TBRG1: variants seen among roughly 807,000 people sequenced by gnomAD.
TBRG1 encodes the protein nuclear interactor of ARF and MDM2.
Under a neutral mutation model 44.0 loss-of-function variants are expected in TBRG1, and 31 were observed. The ratio of observed to expected loss-of-function variants is 0.70; its 90% CI spans 0.53 to 0.95. TBRG1 has a LOEUF of 0.95. TBRG1 is among the 40% of genes least tolerant of loss of function. The pLI is 0.00. For synonymous variants in TBRG1, 171 were observed against 188.1 expected (o/e 0.91, Z 0.74); for missense variants, 487 against 496.1 (o/e 0.98, Z 0.18).
intron 3 of TBRG1, among the ~76,000 whole-genome samples, chr11:124,626,111 G>A (rs531772358): frequency 6.6e-6 from 1 of 152,208 alleles, no homozygotes; most frequent in Non-Finnish European, 1.5e-5. Flanking sequence ...TTCGTTAAAT[G>A]CAAGGGGAGC....
chr11:124,628,118 C>CAT, intron 5 of TBRG1, among the ~76,000 whole-genome samples: 1 of 45,448 alleles, frequency 2.2e-5, no homozygotes, highest in East Asian at 7.3e-4. Flanking sequence ...TATATATATA[C>CAT]ACACACACAC....
At chr11:124,628,694 A>T (rs1224849920) in intron 5 of TBRG1, among the ~76,000 whole-genome samples, 1 of 152,144 alleles carries the variant, frequency 6.6e-6, no homozygotes, top group Non-Finnish European at 1.5e-5. Flanking sequence ...GGGGTGGAGG[A>T]AAACAAGTAC....
In TBRG1 at chr11:124,635,297, C is replaced by T. The variant is rs915385462; in HGVS notation, c.*3059C>T. The T allele has an allele frequency of 6.6e-6, 1 of 152,146 alleles. No homozygotes were observed. The highest frequency in any genetic ancestry group is 1.5e-5 in the Non-Finnish European group (1 of 68,046). 9.4% of individuals were successfully genotyped at this position (152,146 alleles called of 1,614,324 possible). A position where few individuals can be genotyped will look rare whatever the true frequency, so the allele number is the denominator to read the frequency against. ...GCATGGGCAATAGGGGTTAACTGAA[C>T]GAGTTGAATGCTAGGAAGTCCTCAG... On this transcript the variant is annotated 3_prime_UTR_variant, in exon 9 of 9. Transcript: ENST00000441174.
At chr11:124,628,130 C>T (rs1021776679) in intron 5 of TBRG1, among the ~76,000 whole-genome samples, 61 of 139,104 alleles carry the variant, frequency 4.4e-4, no homozygotes, top group African/African-American at 1.1e-3. Context: ...CACACACACA[C>T]ACACACACAC....
intron 6 of TBRG1, 59 bp downstream of exon 6, chr11:124,630,544 TTTTCTCTTG>T: frequency 7.6e-7 from 1 of 1,317,014 alleles, no homozygotes; most frequent in Non-Finnish European, 1.1e-6. Context: ...CAGTGAAACC[TTTTCTCTTG>T]CTTTTAATGG....
At chr11:124,625,984 A>G (rs947695392) in intron 3 of TBRG1, 81 bp downstream of exon 3, 2 of 1,454,930 alleles carry the variant, frequency 1.4e-6, no homozygotes, top group East Asian at 4.9e-5. Flanking sequence ...TGACAGACAC[A>G]CACAGCTGCA....
chr11:124,626,635 G>A, intron 4 of TBRG1, 26 bp downstream of exon 4: 2 of 1,551,280 alleles, frequency 1.3e-6, no homozygotes, highest in Non-Finnish European at 1.7e-6. Flanking sequence ...GATATATAGA[G>A]AGGAGAATCA....
rs1373566633 is a variant in TBRG1, at chr11:124,623,929, A to C, written c.150+696A>C. 2.0e-5 allele frequency among the ~76,000 whole-genome samples: 3 copies of C among 152,334 alleles called. No individual in the cohort carries two copies. The South Asian group carries it at 6.2e-4, about 32-fold the overall frequency. ...GCTTGGAAATAGGGGTGGAGTCCTC[A>C]AATGTCCCCCCACATCCAAGTCAAC... On this transcript the variant is annotated intron_variant, in intron 1 of 8. Transcript: ENST00000441174.
At position 124,631,337 on chromosome 11, in the gene TBRG1, C is replaced by A; in HGVS notation, c.1010C>A (p.Pro337Gln). Residue 337 changes from proline to glutamine, a missense_variant, in exon 8 of 9, where the codon CCG becomes CAG. By Grantham distance (76) the Pro-to-Gln change is moderately conservative. Transcript: ENST00000441174. ...PGDGQLPEGL[P>Q]ENDAAMSFEA... ...GATGGGCAGCTACCTGAGGGGCTGCCGGAGAATGATGCAGCTATGAGCTTT... is the reference window on the plus strand; with the variant it reads ...GATGGGCAGCTACCTGAGGGGCTGCAGGAGAATGATGCAGCTATGAGCTTT... 1 of 1,613,024 alleles carries A rather than the reference C, an allele frequency of 6.2e-7. No homozygotes were observed. The highest frequency in any genetic ancestry group is 8.5e-7 in the Non-Finnish European group (1 of 1,179,386).
chr11:124,625,684 A>C lies in TBRG1; in HGVS notation c.235A>C (p.Lys79Gln). The C allele has an allele frequency of 6.4e-7, 1 of 1,551,258 alleles. No individual in the cohort carries two copies. The highest frequency in any genetic ancestry group is 8.7e-7 in the Non-Finnish European group (1 of 1,146,960). Residue 79 changes from lysine to glutamine, a missense_variant, in exon 3 of 9, where the codon AAG (lysine) becomes CAG (glutamine). Coordinates refer to ENST00000441174, the MANE Select transcript of TBRG1 (RefSeq NM_032811.3). ...AKEERRYLLK[K>Q]LLQLQALTEG... is the part of the protein sequence containing the mutation. ...TCCTGATCTCAGGTACTTGCTAAAGAAGCTCCTCCAGCTTCAGGCTCTAAC... is the reference window on the plus strand; with the variant it reads ...TCCTGATCTCAGGTACTTGCTAAAGCAGCTCCTCCAGCTTCAGGCTCTAAC...
At chr11:124,629,086 T>C (rs976279477) in intron 5 of TBRG1, among the ~76,000 whole-genome samples, 4 of 152,216 alleles carry the variant, frequency 2.6e-5, no homozygotes, top group Non-Finnish European at 5.9e-5. Flanking sequence ...TTTACTCAAA[T>C]AGGGTAAAAA....
In TBRG1 at chr11:124,635,640, C is replaced by A. The variant is rs891958909; in HGVS notation, c.*3402C>A. 3 of 152,118 alleles carry A rather than the reference C, an allele frequency of 2.0e-5. No homozygotes were observed. The highest frequency in any genetic ancestry group is 2.1e-4 in the South Asian group (1 of 4,824). 9.4% of individuals were successfully genotyped at this position (152,118 alleles called of 1,614,324 possible). A position where few individuals can be genotyped will look rare whatever the true frequency, so the allele number is the denominator to read the frequency against. ...TATCTAAACCATATTTTTTACACTA[C>A]GTAAAATACATTGTATATGTACAGT... is the stretch of plus-strand genomic sequence containing the variant. On this transcript the variant is annotated 3_prime_UTR_variant, in exon 9 of 9. Coordinates refer to ENST00000441174, the MANE Select transcript of TBRG1 (RefSeq NM_032811.3).
At position 124,633,965 on chromosome 11, in the gene TBRG1, A is replaced by G. The variant is rs1273654945; in HGVS notation, c.*1727A>G. The G allele has an allele frequency of 3.9e-5, 6 of 152,264 alleles. No individual in the cohort carries two copies. Among genetic ancestry groups the G allele is most frequent in the African/African-American group, 9.6e-5 (4 of 41,466 alleles). 9.4% of individuals were successfully genotyped at this position (152,264 alleles called of 1,614,324 possible). A position where few individuals can be genotyped will look rare whatever the true frequency, so the allele number is the denominator to read the frequency against. On this transcript the variant is annotated 3_prime_UTR_variant, in exon 9 of 9. Transcript: ENST00000441174. ...CTGGTTTTTCAGCTATAATGCATAT[A>G]CAACTATAGTGTGTACGTATACCAC...
In TBRG1 at chr11:124,622,989, T is replaced by C; in HGVS notation, c.-95T>C. On this transcript the variant is annotated 5_prime_UTR_variant, in exon 1 of 9. Coordinates refer to ENST00000441174, the MANE Select transcript of TBRG1 (RefSeq NM_032811.3). ...TAGATTCCTAGAGGCCCGATTCCGCTAGCCCGGAACAGACAAAGCCAGCGC... is the reference window on the plus strand; with the variant it reads ...TAGATTCCTAGAGGCCCGATTCCGCCAGCCCGGAACAGACAAAGCCAGCGC... The C allele has an allele frequency of 7.4e-7, 1 of 1,344,528 alleles. No individual in the cohort carries two copies. Among genetic ancestry groups the C allele is most frequent in the Non-Finnish European group, 9.9e-7 (1 of 1,012,044 alleles). The allele number at this position is 1,344,528 out of a possible 1,614,324, so 83.3% of individuals were successfully genotyped here.
chr11:124,625,934 A>G, intron 3 of TBRG1, 31 bp downstream of exon 3: 1 of 1,524,502 alleles, frequency 6.6e-7, no homozygotes, highest in Non-Finnish European at 8.8e-7. Context: ...CAGTTGCCCC[A>G]GTGACTCACC....
At position 124,629,125 on chromosome 11, in the gene TBRG1, G is replaced by A. The variant is rs555939077; in HGVS notation, c.739-1263G>A. Among the ~76,000 whole-genome samples the A allele has an allele frequency of 3.9e-5, 6 of 152,272 alleles. No homozygotes were observed. The South Asian group carries it at 1.0e-3, about 26-fold the overall frequency. On this transcript the variant is annotated intron_variant, in intron 5 of 8. Coordinates refer to ENST00000441174, the MANE Select transcript of TBRG1 (RefSeq NM_032811.3). ...CAGTACAAAAAAAGTAATTGAAATT[G>A]ACATGACAAATACTAAATAGTAGAG... is the stretch of plus-strand genomic sequence containing the variant.
rs761388326 is a variant in TBRG1, at chr11:124,632,263, C to G, written c.*25C>G. ...AACAAGAAGGGATCAGATGCCACAT[C>G]GTTTTTGTCGTGATTAATTTAACTT... On this transcript the variant is annotated 3_prime_UTR_variant, in exon 9 of 9. Coordinates refer to ENST00000441174, the MANE Select transcript of TBRG1 (RefSeq NM_032811.3). The G allele has an allele frequency of 3.1e-6, 5 of 1,600,120 alleles. No homozygotes were observed. The South Asian group carries it at 3.4e-5, about 11-fold the overall frequency.
chr11:124,628,112 TATATACACACAC>T (rs1235832036), intron 5 of TBRG1, among the ~76,000 whole-genome samples: 41 of 51,300 alleles, frequency 8.0e-4, no homozygotes, highest in East Asian at 2.7e-3. Flanking sequence ...TATATATATA[TATATACACACAC>T]ACACACACAC....
intron 5 of TBRG1, chr11:124,630,128 G>C (rs61910593): frequency 0.088 from 31,821 of 363,574 alleles, 1,674 homozygotes; most frequent in South Asian, 0.13. Context: ...AAGTGGATTG[G>C]AAAGGTACAC....
Sources: gnomAD v4.1 joint callset for allele counts (sites outside exome capture counted in the v4.1 genomes callset) on GRCh38, gnomAD v4.1.1 for gene constraint, MANE v1.5 for transcripts, NCBI Gene and HGNC (gene_info 2026-07-23, HGNC 2026-07-21) for gene names.